The following CSMD3 variants were observed in gnomAD, a reference collection of about 807,000 sequenced individuals.
The protein encoded by CSMD3 is CUB and Sushi multiple domains 3.
In CSMD3, 177 loss-of-function variants were observed where a neutral mutation model predicts 435.2. The ratio of observed to expected loss-of-function variants is 0.41; its 90% CI spans 0.36 to 0.46. The LOEUF (loss-of-function observed/expected upper bound fraction) is 0.46, where lower values mean the gene tolerates loss of function less well. Ranked by LOEUF, CSMD3 falls within the 20% of genes least tolerant of loss-of-function variation. The probability of loss-of-function intolerance (pLI) is 0.34; values close to 1 mark genes in which losing one functional copy is unlikely to be tolerated. For synonymous variants in CSMD3, 1,656 were observed against 1,520.5 expected, an observed-to-expected ratio of 1.09 and a Z score of -2.07; for missense variants, 4,265 against 4,504.6, an observed-to-expected ratio of 0.95 and a Z score of 1.52.
chr8:112,491,113 G>A (rs1056525785), intron 31 of CSMD3, among the ~76,000 whole-genome samples: 46 of 152,198 alleles, frequency 3.0e-4, no homozygotes, highest in African/African-American at 1.1e-3. Context: ...ATCCAGAGAA[G>A]GGTAAGTCAG....
At chr8:112,989,069 G>C (rs2085353832) in intron 6 of CSMD3, among the ~76,000 whole-genome samples, 1 of 151,962 alleles carries the variant, frequency 6.6e-6, no homozygotes, top group Non-Finnish European at 1.5e-5. Context: ...TATGCCAGAG[G>C]CTGGATGATC....
chr8:112,474,385 T>C (rs544016267), intron 31 of CSMD3, among the ~76,000 whole-genome samples: 18 of 152,088 alleles, frequency 1.2e-4, no homozygotes, highest in Non-Finnish European at 2.1e-4. Flanking sequence ...ACAAGAATTA[T>C]GACTATAAAT....
intron 3 of CSMD3, among the ~76,000 whole-genome samples, chr8:113,261,994 T>A (rs1279553366): frequency 6.6e-6 from 1 of 152,106 alleles, no homozygotes; most frequent in Non-Finnish European, 1.5e-5. Context: ...ATTTACAGTA[T>A]CTGAGTGATA....
At chr8:112,354,673 C>G (rs1826425699) in intron 38 of CSMD3, among the ~76,000 whole-genome samples, 2 of 152,084 alleles carry the variant, frequency 1.3e-5, no homozygotes, top group Admixed American at 1.3e-4. Flanking sequence ...TGGAGAACTA[C>G]AAAACACTTC....
chr8:113,196,933 G>A (rs2092662904), intron 3 of CSMD3, among the ~76,000 whole-genome samples: 1 of 150,616 alleles, frequency 6.6e-6, no homozygotes, highest in Non-Finnish European at 1.5e-5. Flanking sequence ...CATTCTGTTT[G>A]TGCAATCTCA....
chr8:113,223,012 G>C (rs1451269816), intron 3 of CSMD3, among the ~76,000 whole-genome samples: 1 of 150,586 alleles, frequency 6.6e-6, no homozygotes, highest in Non-Finnish European at 1.5e-5. Flanking sequence ...ATTACTTCCT[G>C]AGATATACTT....
intron 38 of CSMD3, among the ~76,000 whole-genome samples, chr8:112,363,489 C>G (rs560313929): frequency 1.3e-5 from 2 of 152,026 alleles, no homozygotes; most frequent in South Asian, 2.1e-4. Context: ...TTTCAACTGA[C>G]TCAACATGAG....
chr8:112,948,408 C>G lies in CSMD3; in HGVS notation c.1421-531G>C, dbSNP rs142305599. Among the ~76,000 whole-genome samples the G allele has an allele frequency of 1.6e-3, 247 of 152,056 alleles. 1 individual carries two copies. Among genetic ancestry groups the G allele is most frequent in the African/African-American group, 5.6e-3 (234 of 41,508 alleles). On this transcript the variant is annotated intron_variant, in intron 8 of 70. Coordinates refer to ENST00000297405, the MANE Select transcript of CSMD3 (RefSeq NM_198123.2). Reference sequence around the variant, plus strand: ...GCAGTGGTGCAAATTACTAGGCATGCCTTTAAATTATTACATAATGGTGTA... The same window carrying G: ...GCAGTGGTGCAAATTACTAGGCATGGCTTTAAATTATTACATAATGGTGTA...
intron 14 of CSMD3, among the ~76,000 whole-genome samples, chr8:112,686,293 G>A (rs1037747492): frequency 6.6e-6 from 1 of 152,024 alleles, no homozygotes; most frequent in African/African-American, 2.4e-5. Flanking sequence ...CTAAATGAGA[G>A]CTCTTGCCAT....
intron 22 of CSMD3, among the ~76,000 whole-genome samples, chr8:112,626,643 T>C (rs1834499394): frequency 6.6e-6 from 1 of 152,152 alleles, no homozygotes; most frequent in African/African-American, 2.4e-5. Flanking sequence ...ACTGTCAGTC[T>C]ATTCCAATTT....
chr8:112,638,358 A>G (rs901362021), intron 21 of CSMD3, among the ~76,000 whole-genome samples: 1 of 151,038 alleles, frequency 6.6e-6, no homozygotes, highest in African/African-American at 2.4e-5. Flanking sequence ...TAAAATATAT[A>G]TTTTAATTTT....
intron 11 of CSMD3, among the ~76,000 whole-genome samples, chr8:112,837,947 A>C (rs2080075898): frequency 1.3e-5 from 2 of 151,810 alleles, no homozygotes; most frequent in South Asian, 2.1e-4. Flanking sequence ...CTTGACATCT[A>C]ATTAAAGCAC....
chr8:112,603,869 G>A (rs532142741), intron 22 of CSMD3, among the ~76,000 whole-genome samples: 1 of 151,902 alleles, frequency 6.6e-6, no homozygotes, highest in Admixed American at 6.6e-5. Flanking sequence ...GAATGTGTAA[G>A]GAATATATTA....
intron 5 of CSMD3, among the ~76,000 whole-genome samples, chr8:113,032,512 T>A (rs981744937): frequency 6.6e-6 from 1 of 151,574 alleles, no homozygotes; most frequent in African/African-American, 2.4e-5. Flanking sequence ...AGAAGAAATT[T>A]CTAAGAAGCA....
intron 5 of CSMD3, among the ~76,000 whole-genome samples, chr8:113,064,936 C>A (rs916567744): frequency 1.3e-5 from 2 of 151,932 alleles, no homozygotes; most frequent in Non-Finnish European, 2.9e-5. Context: ...CAGATTAGCA[C>A]CAAGATAAAT....
chr8:113,269,533 G>A (rs1238106337), intron 3 of CSMD3, among the ~76,000 whole-genome samples: 1 of 152,110 alleles, frequency 6.6e-6, no homozygotes, highest in African/African-American at 2.4e-5. Context: ...CAAAGCTGGA[G>A]GCATCACACT....
At chr8:113,253,991 C>A (rs1422647860) in intron 3 of CSMD3, among the ~76,000 whole-genome samples, 1 of 152,146 alleles carries the variant, frequency 6.6e-6, no homozygotes, top group Non-Finnish European at 1.5e-5. Flanking sequence ...CCTGACATGA[C>A]CTGTTCCTCT....
chr8:113,425,216 A>C (rs2094629453), intron 1 of CSMD3, among the ~76,000 whole-genome samples: 1 of 151,560 alleles, frequency 6.6e-6, no homozygotes, highest in African/African-American at 2.4e-5. Context: ...CAATCCCATA[A>C]TATTCACTTC....
intron 11 of CSMD3, among the ~76,000 whole-genome samples, chr8:112,853,073 C>T (rs988424527): frequency 3.9e-5 from 6 of 152,070 alleles, no homozygotes; most frequent in Non-Finnish European, 7.3e-5. Flanking sequence ...GATTCTTCCA[C>T]GGATATTTGT....
Sources: allele counts gnomAD v4.1 joint callset (sites outside exome capture counted in the v4.1 genomes callset), GRCh38; gene constraint gnomAD v4.1.1; transcripts MANE v1.5; gene names NCBI Gene and HGNC (gene_info 2026-07-23, HGNC 2026-07-21).